GNAZ: variants seen among roughly 807,000 people sequenced by gnomAD.
GNAZ encodes the protein G protein subunit alpha z.
In GNAZ, 3 loss-of-function variants were observed where a neutral mutation model predicts 25.4. That is an observed-to-expected ratio of 0.12 (90% CI 0.05 to 0.30). The LOEUF is 0.30. Ranked by LOEUF, GNAZ falls within the 10% of genes least tolerant of loss-of-function variation. The pLI is 1.00. For synonymous variants in GNAZ, 211 were observed against 205.7 expected (o/e 1.03, Z -0.22); for missense variants, 241 against 501.8 (o/e 0.48, Z 4.97).
At chr22:23,103,277 C>G (rs1381030555) in intron 2 of GNAZ, among the ~76,000 whole-genome samples, 1 of 152,194 alleles carries the variant, frequency 6.6e-6, no homozygotes, top group Non-Finnish European at 1.5e-5. Flanking sequence ...CAAAACAGTT[C>G]TACTCCTCCC....
intron 1 of GNAZ, among the ~76,000 whole-genome samples, chr22:23,093,195 T>C (rs925072950): frequency 3.3e-5 from 5 of 152,224 alleles, no homozygotes; most frequent in Non-Finnish European, 5.9e-5. Context: ...CATTCTCAGA[T>C]GTAATTTTCA....
At chr22:23,119,317 C>T (rs2146391030) in intron 2 of GNAZ, among the ~76,000 whole-genome samples, 1 of 152,380 alleles carries the variant, frequency 6.6e-6, no homozygotes, top group South Asian at 2.1e-4. Context: ...GCCTCCTCTG[C>T]AGTTGATCTT....
chr22:23,115,245 C>T (rs750103601), intron 2 of GNAZ, among the ~76,000 whole-genome samples: 3 of 152,128 alleles, frequency 2.0e-5, no homozygotes, highest in East Asian at 1.9e-4. Flanking sequence ...CAACACAGTC[C>T]GGGGGCCCCT....
intron 1 of GNAZ, among the ~76,000 whole-genome samples, chr22:23,078,625 C>T (rs1035862412): frequency 1.1e-4 from 17 of 152,234 alleles, no homozygotes; most frequent in Admixed American, 1.3e-4. Context: ...GTGGCCACTG[C>T]GGTCCCCAGG....
At chr22:23,117,307 C>G (rs944443695) in intron 2 of GNAZ, among the ~76,000 whole-genome samples, 1 of 152,156 alleles carries the variant, frequency 6.6e-6, no homozygotes, top group African/African-American at 2.4e-5. Flanking sequence ...TGGCTGCAGG[C>G]GGGATGGAAA....
chr22:23,081,412 T>C (rs370293104), intron 1 of GNAZ, among the ~76,000 whole-genome samples: 3 of 152,322 alleles, frequency 2.0e-5, no homozygotes, highest in South Asian at 4.1e-4. Flanking sequence ...ATTTCTTAGG[T>C]CTTCCTGCTT....
chr22:23,103,179 A>G (rs2069353455), intron 2 of GNAZ, among the ~76,000 whole-genome samples: 1 of 152,178 alleles, frequency 6.6e-6, no homozygotes, highest in Non-Finnish European at 1.5e-5. Context: ...TTCAATTTTC[A>G]GGATGTTTGT....
intron 1 of GNAZ, among the ~76,000 whole-genome samples, chr22:23,077,960 C>T (rs547432592): frequency 4.4e-4 from 67 of 152,332 alleles, no homozygotes; most frequent in African/African-American, 1.4e-3. Flanking sequence ...GGGCTTGGCC[C>T]TCATGCCTCC....
At position 23,096,094 on chromosome 22, in the gene GNAZ, C is replaced by T. The variant is rs143236450; in HGVS notation, c.399C>T (p.Ala133=). The part of the protein sequence containing the change: ...ELLGVMRRLW[A]DPGAQACFSR... ...TGGGTGTCATGCGACGGCTCTGGGC[C>T]GACCCAGGGGCACAGGCCTGCTTCA... The change falls in exon 2 of 3, where the codon GCC becomes GCT. Residue 133 remains alanine, a synonymous_variant. Transcript: ENST00000615612. 2.2e-4 allele frequency: 362 copies of T among 1,610,012 alleles called. No homozygotes were observed. In the African/African-American group the frequency reaches 3.9e-3, roughly 17 times the overall value.
intron 1 of GNAZ, among the ~76,000 whole-genome samples, chr22:23,072,030 G>A (rs2068392115): frequency 1.3e-5 from 2 of 152,114 alleles, no homozygotes; most frequent in Admixed American, 6.5e-5. Context: ...CTGTAAAAGC[G>A]AAGCAGTTCC....
chr22:23,093,711 G>T (rs1419217353), intron 1 of GNAZ, among the ~76,000 whole-genome samples: 1 of 152,224 alleles, frequency 6.6e-6, no homozygotes, highest in Non-Finnish European at 1.5e-5. Flanking sequence ...ACACAACCTG[G>T]GAGAGGCAAG....
intron 2 of GNAZ, among the ~76,000 whole-genome samples, chr22:23,110,217 A>C (rs941565732): frequency 5.9e-5 from 9 of 152,082 alleles, no homozygotes; most frequent in Non-Finnish European, 1.5e-5. Flanking sequence ...CAAGCCAGGT[A>C]ACCCCTCTGA....
At chr22:23,087,560 A>G (rs1223767634) in intron 1 of GNAZ, among the ~76,000 whole-genome samples, 1 of 152,246 alleles carries the variant, frequency 6.6e-6, no homozygotes, top group African/African-American at 2.4e-5. Context: ...AGAGTAATTC[A>G]TGAAGAGCTG....
intron 1 of GNAZ, among the ~76,000 whole-genome samples, chr22:23,081,449 G>C (rs2068674844): frequency 6.6e-6 from 1 of 152,182 alleles, no homozygotes; most frequent in Non-Finnish European, 1.5e-5. Context: ...AGATCAGCCA[G>C]CCAGCAGTCT....
At chr22:23,112,187 A>G (rs1342322926) in intron 2 of GNAZ, among the ~76,000 whole-genome samples, 2 of 152,142 alleles carry the variant, frequency 1.3e-5, no homozygotes, top group East Asian at 3.9e-4. Flanking sequence ...TCCCAGCACC[A>G]AGAAAGAGGT....
At chr22:23,102,765 A>G (rs1169086360) in intron 2 of GNAZ, among the ~76,000 whole-genome samples, 1 of 152,230 alleles carries the variant, frequency 6.6e-6, no homozygotes. Flanking sequence ...GCTGTCACTG[A>G]ACACAGCAGT....
chr22:23,088,968 TCTC>T (rs2068888697), intron 1 of GNAZ, among the ~76,000 whole-genome samples: 1 of 152,170 alleles, frequency 6.6e-6, no homozygotes, highest in Non-Finnish European at 1.5e-5. Flanking sequence ...TACAGTTCCG[TCTC>T]CTCAACAAGC....
rs1002269320 is a variant in GNAZ at position 23,095,492 on chromosome 22, A to G, written c.-204A>G. ...GTGTCACTAGTGGGGAGGGGCGGCC[A>G]CCGCCCGCTGCACAGAGCGCCATGC... On this transcript the variant is annotated 5_prime_UTR_variant, in exon 2 of 3. Transcript: ENST00000615612. The G allele has an allele frequency of 1.3e-5, 8 of 594,862 alleles. No homozygotes were observed. The highest frequency in any genetic ancestry group is 2.3e-5 in the Non-Finnish European group (8 of 343,224). 36.8% of individuals were successfully genotyped at this position (594,862 alleles called of 1,614,324 possible).
intron 1 of GNAZ, among the ~76,000 whole-genome samples, chr22:23,078,661 C>T (rs1197222455): frequency 6.6e-6 from 1 of 152,258 alleles, no homozygotes; most frequent in African/African-American, 2.4e-5. Flanking sequence ...GCTGCAGCCC[C>T]AGGCTCTGGG....
Sources: gnomAD v4.1 joint callset for allele counts (sites outside exome capture counted in the v4.1 genomes callset) on GRCh38, gnomAD v4.1.1 for gene constraint, MANE v1.5 for transcripts, NCBI Gene and HGNC (gene_info 2026-07-23, HGNC 2026-07-21) for gene names.